Variants in RFX6 observed in about 807,000 individuals in gnomAD.
The protein encoded by RFX6 is regulatory factor X6.
In RFX6, 50 loss-of-function variants were observed where a neutral mutation model predicts 110.8. The ratio of observed to expected loss-of-function variants is 0.45; its 90% confidence interval spans 0.36 to 0.57. The LOEUF (loss-of-function observed/expected upper bound fraction) is 0.57. Among genes scored for constraint, RFX6 ranks in the 20% least tolerant of loss-of-function variants. The pLI is 0.00. For missense variants in RFX6, 990 were observed against 1,127.0 expected, an observed-to-expected ratio of 0.88 and a Z score of 1.74; for synonymous variants, 383 against 411.2, an observed-to-expected ratio of 0.93 and a Z score of 0.83.
At position 116,927,503 on chromosome 6, in the gene RFX6, T is replaced by C; in HGVS notation, c.2362T>C (p.Cys788Arg). The C allele has an allele frequency of 6.2e-7, 1 of 1,613,990 alleles. No homozygotes were observed. Among genetic ancestry groups the C allele is most frequent in the South Asian group, 1.1e-5 (1 of 91,090 alleles). Reference sequence around the variant, plus strand: ...CTTGAGCAACACAGGAGCTGCCAGCTGCCAAGGAGCAACACTGCCTCCTAA... The same window carrying C: ...CTTGAGCAACACAGGAGCTGCCAGCCGCCAAGGAGCAACACTGCCTCCTAA... ...NFLSNTGAAS[C>R]QGATLPPNSP... The change falls in exon 17 of 19, where the codon TGC (cysteine) becomes CGC (arginine). Residue 788 changes from cysteine (C) to arginine (R), a missense_variant. Cys to Arg is a radical substitution (Grantham distance 180, BLOSUM62 -3). This residue lies in a region of RFX6 where 438 missense variants were observed against 441.9 expected (regional missense o/e 0.99). Coordinates refer to ENST00000332958, the MANE Select transcript of RFX6 (RefSeq NM_173560.4).
intron 4 of RFX6, among the ~76,000 whole-genome samples, chr6:116,889,438 A>G (rs1774772662): frequency 6.6e-6 from 1 of 152,120 alleles, no homozygotes; most frequent in Non-Finnish European, 1.5e-5. Flanking sequence ...ACAAATGCCA[A>G]TGATACAAGG....
intron 6 of RFX6, among the ~76,000 whole-genome samples, chr6:116,903,140 A>T (rs339301): frequency 1.3e-5 from 2 of 151,838 alleles, no homozygotes; most frequent in African/African-American, 4.8e-5. Flanking sequence ...TTACTATTTT[A>T]AAGATGATCA....
chr6:116,923,927 AAG>A (rs1775656452), intron 14 of RFX6, among the ~76,000 whole-genome samples: 1 of 152,186 alleles, frequency 6.6e-6, no homozygotes. Flanking sequence ...CACATTATGA[AAG>A]AGATTACAAT....
intron 7 of RFX6, among the ~76,000 whole-genome samples, chr6:116,912,339 G>A (rs1455258914): frequency 6.7e-6 from 1 of 149,568 alleles, no homozygotes; most frequent in Non-Finnish European, 1.5e-5. Context: ...TAAAATACAA[G>A]TTGGAAAAAA....
chr6:116,893,064 A>T (rs1482757761), intron 4 of RFX6, among the ~76,000 whole-genome samples: 1 of 152,150 alleles, frequency 6.6e-6, no homozygotes, highest in Non-Finnish European at 1.5e-5. Flanking sequence ...GTCCACTGGA[A>T]ATCCCCTCAT....
intron 6 of RFX6, among the ~76,000 whole-genome samples, chr6:116,900,156 G>C (rs1461023582): frequency 6.6e-6 from 1 of 152,174 alleles, no homozygotes; most frequent in Non-Finnish European, 1.5e-5. Flanking sequence ...CTTGCTGAAG[G>C]CAGAATGAAT....
In RFX6 at chr6:116,909,378, T is replaced by C. The variant is rs544820066; in HGVS notation, c.673-1557T>C. 3.9e-5 allele frequency among the ~76,000 whole-genome samples: 6 copies of C among 152,170 alleles called. No homozygotes were observed. The South Asian group carries it at 1.2e-3, about 32-fold the overall frequency. ...TTATCCAACAAATGTTAGTTTTCTG[T>C]TTTGTCATATAACTTCCTTCCTTTA... is the stretch of plus-strand genomic sequence containing the variant. On this transcript the variant is annotated intron_variant, in intron 6 of 18. Coordinates refer to ENST00000332958, the MANE Select transcript of RFX6 (RefSeq NM_173560.4).
intron 9 of RFX6, among the ~76,000 whole-genome samples, chr6:116,917,402 C>T (rs1259319082): frequency 1.4e-5 from 2 of 147,462 alleles, no homozygotes; most frequent in Non-Finnish European, 3.0e-5. Flanking sequence ...GTTTAATTTG[C>T]ATTAATTGTT....
At chr6:116,928,453 A>G (rs899167086) in intron 17 of RFX6, among the ~76,000 whole-genome samples, 4 of 152,192 alleles carry the variant, frequency 2.6e-5, no homozygotes, top group Non-Finnish European at 5.9e-5. Context: ...GGGAAATCTG[A>G]CAGAAGTGTA....
At chr6:116,916,149 T>G in intron 8 of RFX6, 52 bp from the exon 9 acceptor site, 1 of 1,547,714 alleles carries the variant, frequency 6.5e-7, no homozygotes, top group East Asian at 2.2e-5. Flanking sequence ...CTGTTCTTAA[T>G]GAGTTCATGT....
rs1026390758 is a variant in RFX6, at chr6:116,919,050, A to G, written c.1023-87A>G. 9.8e-6 allele frequency: 12 copies of G among 1,225,970 alleles called. No homozygotes were observed. The South Asian group carries it at 1.5e-4, about 15-fold the overall frequency. 75.9% of individuals were successfully genotyped at this position (1,225,970 alleles called of 1,614,324 possible). ...CTTCAAAAGTACTGCTTATGAAACC[A>G]TAGAATAATAGTATACCTCAATTAA... On this transcript the variant is annotated intron_variant, in intron 10 of 18. Transcript: ENST00000332958.
At position 116,927,307 on chromosome 6, in the gene RFX6, C is replaced by G; in HGVS notation, c.2166C>G (p.Thr722=). The G allele has an allele frequency of 6.2e-7, 1 of 1,614,188 alleles. No individual in the cohort carries two copies. The highest frequency in any genetic ancestry group is 2.2e-5 in the East Asian group (1 of 44,886). The part of the protein sequence containing the change: ...HSTSGLYPHH[T]EHGRCMAWTE... ...CATCAGGACTCTATCCTCATCACAC[C>G]GAGCATGGTCGATGCATGGCTTGGA... The change falls in exon 17 of 19, where the codon ACC becomes ACG. Residue 722 remains threonine, a synonymous_variant. Transcript: ENST00000332958.
Position 116,917,978 on chromosome 6 carries a change from T to C in RFX6, c.973-59T>C, listed in dbSNP as rs6936629. 0.33 allele frequency: 396,450 copies of C among 1,194,698 alleles called. 68,327 individuals are homozygous for C. The highest frequency in any genetic ancestry group is 0.45 in the African/African-American group (29,819 of 66,444). The allele number at this position is 1,194,698 out of a possible 1,614,324, so 74.0% of individuals were successfully genotyped here. ...AATAAAAAGTAGTTGACCAATAATA[T>C]GTCTTTCTATAGAAATACTAAGTAA... On this transcript the variant is annotated intron_variant, in intron 9 of 18. Coordinates refer to ENST00000332958, the MANE Select transcript of RFX6 (RefSeq NM_173560.4).
At chr6:116,895,724 G>A (rs966624187) in intron 6 of RFX6, among the ~76,000 whole-genome samples, 4 of 151,364 alleles carry the variant, frequency 2.6e-5, no homozygotes, top group African/African-American at 9.7e-5. Flanking sequence ...CCTCCTTCAA[G>A]AACAGACTTT....
chr6:116,889,853 G>T (rs895647105), intron 4 of RFX6, among the ~76,000 whole-genome samples: 1 of 151,986 alleles, frequency 6.6e-6, no homozygotes, highest in Admixed American at 6.6e-5. Context: ...GTGACACATT[G>T]TTATTTTTAA....
At chr6:116,895,098 C>G in intron 5 of RFX6, 82 bp from the exon 6 acceptor site, 3 of 725,360 alleles carry the variant, frequency 4.1e-6, no homozygotes, top group East Asian at 5.2e-5. Context: ...GAAATTACTG[C>G]TTCTTTAGGT....
At chr6:116,926,580 A>T (rs1354342941) in intron 16 of RFX6, among the ~76,000 whole-genome samples, 1 of 152,246 alleles carries the variant, frequency 6.6e-6, no homozygotes, top group Non-Finnish European at 1.5e-5. Context: ...GGTGGCATTC[A>T]TAAATCACAT....
At chr6:116,884,027 G>T (rs1420693921) in intron 4 of RFX6, among the ~76,000 whole-genome samples, 3 of 152,052 alleles carry the variant, frequency 2.0e-5, no homozygotes, top group Non-Finnish European at 4.4e-5. Flanking sequence ...TTACTTTCTA[G>T]CATGTAGTCT....
Position 116,924,796 on chromosome 6 carries a change from C to A in RFX6, c.1678+5C>A. 6.4e-7 allele frequency: 1 copy of A among 1,558,992 alleles called. No homozygotes were observed. Among genetic ancestry groups the A allele is most frequent in the Non-Finnish European group, 8.8e-7 (1 of 1,130,164 alleles). ...ACAAGTATATGAAGAATTCAGGTAA[C>A]TTAAAATAACTGTTTTGTTTTGCAT... On this transcript the variant is annotated splice_donor_5th_base_variant and intron_variant, in intron 15 of 18. Transcript: ENST00000332958.
Sources: gnomAD v4.1 joint callset for allele counts (sites outside exome capture counted in the v4.1 genomes callset) on GRCh38, gnomAD v4.1.1 for gene constraint, gnomAD v4.1.1 regional missense constraint, MANE v1.5 for transcripts, NCBI Gene and HGNC (gene_info 2026-07-23, HGNC 2026-07-21) for gene names.